Variants in TEN1 observed in about 807,000 individuals in gnomAD.
TEN1 encodes CST complex subunit TEN1.
TEN1 carries 6 observed loss-of-function variants against 9.3 expected under a neutral mutation model. The observed-to-expected ratio is 0.65, with a 90% CI of 0.35 to 1.27. The LOEUF (loss-of-function observed/expected upper bound fraction) is 1.27, where lower values mean the gene tolerates loss of function less well. TEN1 is among the 50% of genes most tolerant of loss of function. The probability of loss-of-function intolerance (pLI) is 0.03; values close to 1 mark genes in which losing one functional copy is unlikely to be tolerated. For missense variants in TEN1, 149 were observed against 158.2 expected (o/e 0.94, Z 0.31); for synonymous variants, 65 against 65.6 (o/e 0.99, Z 0.04).
intron 1 of TEN1, among the ~76,000 whole-genome samples, chr17:75,979,774 G>C (rs906379936): frequency 1.3e-5 from 2 of 151,972 alleles, no homozygotes; most frequent in Admixed American, 1.3e-4. Context: ...TCTTTGGGGA[G>C]AGGCTCCAGT....
intron 1 of TEN1, among the ~76,000 whole-genome samples, chr17:75,984,425 A>G (rs971106146): frequency 6.6e-6 from 1 of 152,074 alleles, no homozygotes; most frequent in Non-Finnish European, 1.5e-5. Context: ...GTGAGACAGC[A>G]TCTCACTCTG....
chr17:75,985,299 C>T (rs2144345512), intron 1 of TEN1, among the ~76,000 whole-genome samples: 1 of 152,168 alleles, frequency 6.6e-6, no homozygotes, highest in Middle Eastern at 3.4e-3. Context: ...GTGAGAGACA[C>T]CACACCTGGC....
At chr17:75,998,847 C>T (rs2066234038) in intron 3 of TEN1, among the ~76,000 whole-genome samples, 1 of 152,050 alleles carries the variant, frequency 6.6e-6, no homozygotes, top group South Asian at 2.1e-4. Context: ...CCAGCTACCA[C>T]ACCTGGCTAA....
intron 3 of TEN1, among the ~76,000 whole-genome samples, chr17:75,993,418 A>C (rs1425124246): frequency 6.6e-6 from 1 of 152,020 alleles, no homozygotes; most frequent in Non-Finnish European, 1.5e-5. Flanking sequence ...AGTTCTTTAG[A>C]GAAGAGTCAC....
chr17:75,994,607 A>G (rs1391666562), intron 3 of TEN1, among the ~76,000 whole-genome samples: 2 of 151,106 alleles, frequency 1.3e-5, no homozygotes, highest in East Asian at 2.0e-4. Context: ...CCTCCTGAGT[A>G]GCTGGGATTA....
intron 1 of TEN1, among the ~76,000 whole-genome samples, chr17:75,980,792 T>C (rs755905263): frequency 6.6e-6 from 1 of 152,160 alleles, no homozygotes; most frequent in Non-Finnish European, 1.5e-5. Context: ...TGCATAACAT[T>C]CATAATTTGA....
chr17:75,986,873 A>G (rs1402713170), intron 2 of TEN1, among the ~76,000 whole-genome samples: 1 of 152,116 alleles, frequency 6.6e-6, no homozygotes, highest in Non-Finnish European at 1.5e-5. Context: ...GCTTTTCCAT[A>G]TGTATGTGTT....
At chr17:75,989,018 G>A (rs912908442) in intron 2 of TEN1, among the ~76,000 whole-genome samples, 8 of 152,092 alleles carry the variant, frequency 5.3e-5, no homozygotes, top group African/African-American at 1.7e-4. Context: ...TAATCCACCC[G>A]CCTCGGCCCC....
chr17:75,979,753 G>A (rs2066101713), intron 1 of TEN1, among the ~76,000 whole-genome samples: 1 of 152,036 alleles, frequency 6.6e-6, no homozygotes, highest in African/African-American at 2.4e-5. Flanking sequence ...AGAATGGGAC[G>A]GGAACCAGTC....
chr17:75,995,827 A>G (rs1443206735), intron 3 of TEN1, among the ~76,000 whole-genome samples: 1 of 152,148 alleles, frequency 6.6e-6, no homozygotes, highest in African/African-American at 2.4e-5. Context: ...GGCTGGGCTC[A>G]GGAGCTCACT....
At chr17:75,992,357 T>G (rs894205281) in intron 3 of TEN1, among the ~76,000 whole-genome samples, 5 of 150,634 alleles carry the variant, frequency 3.3e-5, no homozygotes, top group Non-Finnish European at 7.4e-5. Flanking sequence ...GCCTCCTGAG[T>G]AGCTGGGACC....
At position 75,979,496 on chromosome 17, in the gene TEN1, G is replaced by A. The variant is rs902305259; in HGVS notation, c.-22G>A. ...GCGGAAAGAAGAAATCCGAGGACCG[G>A]CGACGCCTAGAACAGGTTGGCTGGG... is the stretch of plus-strand genomic sequence containing the variant. On this transcript the variant is annotated 5_prime_UTR_variant, in exon 1 of 4. Coordinates refer to ENST00000397640, the MANE Select transcript of TEN1 (RefSeq NM_001113324.3). 1 of 339,010 alleles carries A rather than the reference G, an allele frequency of 2.9e-6. No homozygotes were observed. The highest frequency in any genetic ancestry group is 2.2e-5 in the African/African-American group (1 of 45,930). 21.0% of individuals were successfully genotyped at this position (339,010 alleles called of 1,614,324 possible).
chr17:75,993,236 T>C (rs948329166), intron 3 of TEN1, among the ~76,000 whole-genome samples: 1 of 151,740 alleles, frequency 6.6e-6, no homozygotes, highest in Admixed American at 6.6e-5. Flanking sequence ...TCCGAGTAGC[T>C]GGGACTACAG....
chr17:75,993,852 C>T (rs1437810807), intron 3 of TEN1, among the ~76,000 whole-genome samples: 6 of 151,990 alleles, frequency 3.9e-5, no homozygotes, highest in Non-Finnish European at 7.4e-5. Flanking sequence ...AAAAGTTAGC[C>T]GGGCGTGGTG....
At chr17:75,997,420 C>T (rs1305612282) in intron 3 of TEN1, among the ~76,000 whole-genome samples, 1 of 152,078 alleles carries the variant, frequency 6.6e-6, no homozygotes, top group Non-Finnish European at 1.5e-5. Context: ...ACTTCCTCTC[C>T]TCCCCTGTCC....
chr17:75,997,013 C>T (rs917052304), intron 3 of TEN1, among the ~76,000 whole-genome samples: 1 of 152,158 alleles, frequency 6.6e-6, no homozygotes, highest in Non-Finnish European at 1.5e-5. Flanking sequence ...CCACCTCCCA[C>T]GCCTGCTGCT....
rs2066150784 is a variant in TEN1, at chr17:75,986,132, A to G, written c.-6-55A>G. On this transcript the variant is annotated intron_variant, in intron 1 of 3. Coordinates refer to ENST00000397640, the MANE Select transcript of TEN1 (RefSeq NM_001113324.3). ...ATATATCTGCTAATCTCTGTTTTGTAGTCTATCCGGTTTATCAGGAATCTT... is the reference window on the plus strand; with the variant it reads ...ATATATCTGCTAATCTCTGTTTTGTGGTCTATCCGGTTTATCAGGAATCTT... The G allele has an allele frequency of 3.8e-6, 5 of 1,331,736 alleles. No individual in the cohort carries two copies. The African/African-American group carries it at 4.4e-5, about 12-fold the overall frequency. The allele number at this position is 1,331,736 out of a possible 1,614,324, so 82.5% of individuals were successfully genotyped here.
At chr17:75,982,936 C>G (rs1323262909) in intron 1 of TEN1, among the ~76,000 whole-genome samples, 1 of 148,744 alleles carries the variant, frequency 6.7e-6, no homozygotes, top group East Asian at 2.0e-4. Context: ...GTCTCGAACT[C>G]CTGACCTCAA....
intron 1 of TEN1, among the ~76,000 whole-genome samples, chr17:75,981,812 G>A (rs2066122602): frequency 6.6e-6 from 1 of 152,050 alleles, no homozygotes; most frequent in South Asian, 2.1e-4. Context: ...GGTGGATAGC[G>A]AGGTCAGGAG....
Sources: allele counts gnomAD v4.1 joint callset (sites outside exome capture counted in the v4.1 genomes callset), GRCh38; gene constraint gnomAD v4.1.1; transcripts MANE v1.5; gene names NCBI Gene and HGNC (gene_info 2026-07-23, HGNC 2026-07-21).